ZNF469: variants seen among roughly 807,000 people sequenced by gnomAD.
The protein encoded by ZNF469 is zinc finger protein 469.
A neutral mutation model predicts 1.0 loss-of-function variants in ZNF469; 1 was observed. That is an observed-to-expected ratio of 1.00 (90% CI 0.35 to 4.73). The LOEUF (loss-of-function observed/expected upper bound fraction) is 4.73. Ranked by LOEUF, ZNF469 falls within the 30% of genes most tolerant of loss-of-function variation. ZNF469 has a pLI of 0.16. For missense variants in ZNF469, 6,100 were observed against 5,356.3 expected (o/e 1.14, Z -4.33); for synonymous variants, 2,703 against 2,363.4 (o/e 1.14, Z -4.17).
the ZNF469 span, among the ~76,000 whole-genome samples, chr16:88,207,918 T>TG: frequency 6.6e-6 from 1 of 151,882 alleles, no homozygotes; most frequent in Non-Finnish European, 1.5e-5. Flanking sequence ...CTCGAGGGTG[T>TG]GGGGGGTGGA....
Position 88,432,868 on chromosome 16 carries a change from G to C in ZNF469, c.5398G>C (p.Ala1800Pro). ...TGCTCCAGAAGCTTTTGGCAGCCCT[G>C]CTGTCCATCTGGCCCCTGACTTGGC... The part of the protein sequence containing the change: ...APAPEAFGSP[A>P]VHLAPDLAFQ... Residue 1800 changes from alanine to proline, a missense_variant, in exon 3 of 3, where the codon GCT becomes CCT. Ala to Pro is a conservative substitution (Grantham distance 27). Coordinates refer to ENST00000565624, the MANE Select transcript of ZNF469 (RefSeq NM_001367624.2). The C allele has an allele frequency of 6.5e-7, 1 of 1,550,302 alleles. No individual in the cohort carries two copies. Among genetic ancestry groups the C allele is most frequent in the Non-Finnish European group, 8.7e-7 (1 of 1,146,956 alleles).
Position 88,430,220 on chromosome 16 carries a change from G to A in ZNF469, c.2750G>A (p.Gly917Asp). The A allele has an allele frequency of 6.5e-7, 1 of 1,540,870 alleles. No homozygotes were observed. Among genetic ancestry groups the A allele is most frequent in the Non-Finnish European group, 8.8e-7 (1 of 1,142,184 alleles). ...CAAACCCCCCGCCCTGGGGACAGGG[G>A]CTGCCCAGCCCGAGGCAGGCCCAAA... is the stretch of plus-strand genomic sequence containing the variant. ...DPQTPRPGDR[G>D]CPARGRPKTR... Residue 917 changes from glycine to aspartate, a missense_variant, in exon 3 of 3, where the codon GGC (glycine) becomes GAC (aspartate). Physicochemically the swap from Gly to Asp is moderately conservative, Grantham distance 94. Transcript: ENST00000565624.
chr16:88,429,394 C>T lies in ZNF469; in HGVS notation c.1924C>T (p.Gln642Ter). 6.5e-7 allele frequency: 1 copy of T among 1,549,280 alleles called. No individual in the cohort carries two copies. The highest frequency in any genetic ancestry group is 8.7e-7 in the Non-Finnish European group (1 of 1,146,262). The change falls in exon 3 of 3, where the codon CAG becomes TAG. Residue 642 changes from glutamine to a stop codon, truncating the protein, a stop_gained. Coordinates refer to ENST00000565624, the MANE Select transcript of ZNF469 (RefSeq NM_001367624.2). LOFTEE classifies it low-confidence loss of function (END_TRUNC). ...CTTCTTCCACCCACCCACTCACCCC[C>T]AGGAGACGGGCAGCCCCTTCCCGTC... ...SAFFHPPTHP[Q>*]ETGSPFPSPE...
chr16:88,438,333 A>G lies in ZNF469; in HGVS notation c.10863A>G (p.Ser3621=). 6.5e-6 allele frequency: 10 copies of G among 1,550,160 alleles called. No individual in the cohort carries two copies. The highest frequency in any genetic ancestry group is 8.7e-6 in the Non-Finnish European group (10 of 1,146,928). Residue 3621 remains serine (S), a synonymous_variant, in exon 3 of 3, where the codon TCA becomes TCG. Coordinates refer to ENST00000565624, the MANE Select transcript of ZNF469 (RefSeq NM_001367624.2). ...AEGKRAPLVF[S]GKRRAPGARG... ...GAAAGAGGGCTCCTCTCGTGTTCTC[A>G]GGGAAACGCAGGGCCCCGGGTGCCC...
the ZNF469 span, among the ~76,000 whole-genome samples, chr16:88,228,550 A>G: frequency 6.6e-6 from 1 of 152,220 alleles, no homozygotes; most frequent in East Asian, 1.9e-4. Flanking sequence ...GGAGGAGAAT[A>G]TTTTCCGTAA....
the ZNF469 span, among the ~76,000 whole-genome samples, chr16:88,126,039 A>C: frequency 6.6e-6 from 1 of 151,750 alleles, no homozygotes; most frequent in Non-Finnish European, 1.5e-5. Context: ...AATATAAAAA[A>C]TTAGCTGGGA....
At chr16:88,309,117 C>G in the ZNF469 span, among the ~76,000 whole-genome samples, 7 of 152,232 alleles carry the variant, frequency 4.6e-5, no homozygotes, top group Admixed American at 2.0e-4. Context: ...CAGATTTTCC[C>G]CTAGTGAGTC....
At chr16:88,153,352 C>T in the ZNF469 span, among the ~76,000 whole-genome samples, 3 of 152,352 alleles carry the variant, frequency 2.0e-5, no homozygotes, top group Middle Eastern at 3.4e-3. Flanking sequence ...ACATGTAAAG[C>T]AATGGGCTGG....
At chr16:88,328,762 G>A in the ZNF469 span, among the ~76,000 whole-genome samples, 2 of 152,324 alleles carry the variant, frequency 1.3e-5, no homozygotes, top group African/African-American at 4.8e-5. Context: ...CAACAGAGGC[G>A]CCCAGTCTAG....
chr16:88,110,243 C>T, the ZNF469 span, among the ~76,000 whole-genome samples: 1 of 152,202 alleles, frequency 6.6e-6, no homozygotes, highest in Non-Finnish European at 1.5e-5. Flanking sequence ...GTTCAGACCC[C>T]CGGGGGGCCG....
the ZNF469 span, among the ~76,000 whole-genome samples, chr16:88,321,618 C>A: frequency 6.6e-6 from 1 of 152,074 alleles, no homozygotes. Flanking sequence ...GCCTCAGATT[C>A]TGCATGTAAG....
At chr16:88,360,372 G>A in the ZNF469 span, among the ~76,000 whole-genome samples, 423 of 152,236 alleles carry the variant, frequency 2.8e-3, 4 homozygotes, top group African/African-American at 9.5e-3. Flanking sequence ...CAACTCGAGC[G>A]CCATTCAGTG....
chr16:88,213,867 C>T, the ZNF469 span, among the ~76,000 whole-genome samples: 3 of 152,200 alleles, frequency 2.0e-5, no homozygotes, highest in African/African-American at 4.8e-5. Context: ...CAGAGGCTTA[C>T]GATGAGAGCT....
At chr16:88,179,907 C>T in the ZNF469 span, among the ~76,000 whole-genome samples, 2 of 152,186 alleles carry the variant, frequency 1.3e-5, no homozygotes, top group African/African-American at 4.8e-5. Flanking sequence ...CAGGTTACTA[C>T]ATGTATGTGA....
chr16:88,183,020 T>C, the ZNF469 span, among the ~76,000 whole-genome samples: 1 of 152,336 alleles, frequency 6.6e-6, no homozygotes, highest in African/African-American at 2.4e-5. Context: ...CCACAATATT[T>C]AACTCTTATA....
At chr16:88,271,698 A>C in the ZNF469 span, among the ~76,000 whole-genome samples, 2 of 151,052 alleles carry the variant, frequency 1.3e-5, no homozygotes, top group Non-Finnish European at 2.9e-5. Context: ...TCACCACAGC[A>C]GGCAGGTCCA....
chr16:88,331,634 ACCG>A, the ZNF469 span, among the ~76,000 whole-genome samples: 1 of 151,524 alleles, frequency 6.6e-6, no homozygotes, highest in Non-Finnish European at 1.5e-5. Flanking sequence ...TATTGTTACC[ACCG>A]CCATCATCAT....
At chr16:88,329,631 G>A in the ZNF469 span, among the ~76,000 whole-genome samples, 11 of 152,210 alleles carry the variant, frequency 7.2e-5, no homozygotes, top group East Asian at 1.9e-4. Context: ...GGAGCGCTTC[G>A]GTCCCCAAGA....
chr16:88,417,154 C>G (rs1277249351), intron 1 of ZNF469, among the ~76,000 whole-genome samples: 1 of 151,922 alleles, frequency 6.6e-6, no homozygotes, highest in Non-Finnish European at 1.5e-5. Flanking sequence ...GAGCAAGGCC[C>G]CCACCCACCC....
Sources: gnomAD v4.1 joint callset for allele counts (sites outside exome capture counted in the v4.1 genomes callset) on GRCh38, gnomAD v4.1.1 for gene constraint, MANE v1.5 for transcripts, NCBI Gene and HGNC (gene_info 2026-07-23, HGNC 2026-07-21) for gene names.